FARP1: variants seen among roughly 807,000 people sequenced by gnomAD.
FARP1 encodes the protein FERM, ARHGEF and pleckstrin domain-containing protein 1.
In FARP1, 52 loss-of-function variants were observed where a neutral mutation model predicts 128.8. The observed-to-expected ratio is 0.40, with a 90% CI of 0.32 to 0.51. FARP1 has a LOEUF of 0.51. Ranked by LOEUF, FARP1 falls within the 20% of genes least tolerant of loss-of-function variation. The pLI is 0.45. For missense variants in FARP1, 1,333 were observed against 1,367.9 expected (o/e 0.97, Z 0.40); for synonymous variants, 580 against 551.8 (o/e 1.05, Z -0.72).
Position 98,393,725 on chromosome 13 carries a change from G to T in FARP1, c.1164+7G>T. On this transcript the variant is annotated splice_region_variant and intron_variant, in intron 12 of 26. Transcript: ENST00000319562. ...TTCGGAAGTGCTGGAGCAGGTCAGT[G>T]ATGGCGCTGTCCTATGATAACTCTG... 1.2e-6 allele frequency: 2 copies of T among 1,608,984 alleles called. No individual in the cohort carries two copies. Among genetic ancestry groups the T allele is most frequent in the Non-Finnish European group, 1.7e-6 (2 of 1,175,406 alleles).
intron 2 of FARP1, chr13:98,333,949 C>T (rs1483310672): frequency 6.7e-6 from 1 of 148,816 alleles, no homozygotes; most frequent in Non-Finnish European, 1.5e-5. Context: ...TTCTCCTCCT[C>T]CACCTTCTCC....
At chr13:98,376,359 G>C (rs1319543098) in intron 5 of FARP1, among the ~76,000 whole-genome samples, 1 of 152,138 alleles carries the variant, frequency 6.6e-6, no homozygotes, top group Non-Finnish European at 1.5e-5. Flanking sequence ...CCAAAAATAA[G>C]TGAGAATATG....
chr13:98,438,490 G>A (rs1247595657), intron 19 of FARP1, among the ~76,000 whole-genome samples: 1 of 152,142 alleles, frequency 6.6e-6, no homozygotes, highest in African/African-American at 2.4e-5. Context: ...CCTTTGTTGG[G>A]GGAGCTGCTG....
intron 2 of FARP1, among the ~76,000 whole-genome samples, chr13:98,341,193 G>A (rs912434000): frequency 5.3e-5 from 8 of 152,006 alleles, no homozygotes; most frequent in African/African-American, 1.7e-4. Flanking sequence ...ATCTTTCTTG[G>A]CTCCTCTGTT....
intron 2 of FARP1, among the ~76,000 whole-genome samples, chr13:98,320,918 C>G (rs2139787917): frequency 6.6e-6 from 1 of 152,288 alleles, no homozygotes; most frequent in South Asian, 2.1e-4. Flanking sequence ...AAATGTAAAA[C>G]TGGAGCTGTT....
rs948029724 is a variant in FARP1 at position 98,227,493 on chromosome 13, A to G, written c.171+14080A>G. 5.3e-5 allele frequency among the ~76,000 whole-genome samples: 8 copies of G among 152,094 alleles called. No homozygotes were observed. The South Asian group carries it at 6.2e-4, about 12-fold the overall frequency. On this transcript the variant is annotated intron_variant, in intron 2 of 26. Coordinates refer to ENST00000319562, the MANE Select transcript of FARP1 (RefSeq NM_005766.4). The stretch of plus-strand genomic sequence containing the variant: ...GAAAAAAACGAGTACTGATGAGGAT[A>G]TGGAGAAATTGGTACTCTGTGCACT...
chr13:98,377,112 C>T (rs1889619090), intron 5 of FARP1, among the ~76,000 whole-genome samples: 1 of 151,784 alleles, frequency 6.6e-6, no homozygotes, highest in Non-Finnish European at 1.5e-5. Context: ...ACCATCCTGG[C>T]CAACATGGTG....
At chr13:98,217,505 C>T (rs1881146314) in intron 2 of FARP1, among the ~76,000 whole-genome samples, 1 of 152,184 alleles carries the variant, frequency 6.6e-6, no homozygotes, top group African/African-American at 2.4e-5. Flanking sequence ...GCTGTCTTGT[C>T]ACTGCTGTAC....
chr13:98,221,573 T>TA (rs1881416775), intron 2 of FARP1, among the ~76,000 whole-genome samples: 1 of 152,224 alleles, frequency 6.6e-6, no homozygotes, highest in South Asian at 2.1e-4. Context: ...TTTGTGGACT[T>TA]ACGTGCAGCT....
intron 5 of FARP1, among the ~76,000 whole-genome samples, chr13:98,374,312 T>C (rs1332122360): frequency 6.6e-6 from 1 of 152,172 alleles, no homozygotes; most frequent in Non-Finnish European, 1.5e-5. Flanking sequence ...TAATCACAGC[T>C]ACTCTGGAGG....
chr13:98,188,934 G>A (rs1879057328), intron 1 of FARP1, among the ~76,000 whole-genome samples: 1 of 152,210 alleles, frequency 6.6e-6, no homozygotes, highest in African/African-American at 2.4e-5. Context: ...GACCCAGGAT[G>A]TTTCTGAGGT....
intron 2 of FARP1, among the ~76,000 whole-genome samples, chr13:98,271,452 G>GT (rs1244501166): frequency 6.6e-6 from 1 of 152,056 alleles, no homozygotes; most frequent in South Asian, 2.1e-4. Context: ...GTGCAGGTTT[G>GT]TTACATAGGT....
At chr13:98,296,112 C>T (rs1381618253) in intron 2 of FARP1, among the ~76,000 whole-genome samples, 1 of 152,172 alleles carries the variant, frequency 6.6e-6, no homozygotes, top group Non-Finnish European at 1.5e-5. Context: ...AGCATCGATA[C>T]ATTATTTTAA....
chr13:98,287,800 C>CTTTTT (rs35204639), intron 2 of FARP1, among the ~76,000 whole-genome samples: 9 of 116,698 alleles, frequency 7.7e-5, no homozygotes, highest in East Asian at 2.6e-4. Context: ...CCAGGCACTT[C>CTTTTT]TTTTTTTTTT....
intron 1 of FARP1, chr13:98,177,706 GC>G (rs1878196143): frequency 2.1e-5 from 3 of 139,838 alleles, no homozygotes; most frequent in Admixed American, 2.1e-4. Flanking sequence ...CCCTTGACCT[GC>G]CTCCTGGCCC....
At chr13:98,405,800 C>T (rs1890948687) in intron 13 of FARP1, 1 of 152,102 alleles carries the variant, frequency 6.6e-6, no homozygotes. Flanking sequence ...ATTAATTTGT[C>T]ATAAAGGGAG....
intron 2 of FARP1, among the ~76,000 whole-genome samples, chr13:98,218,160 A>AT (rs1881200460): frequency 1.2e-5 from 1 of 83,866 alleles, no homozygotes; most frequent in African/African-American, 4.9e-5. Flanking sequence ...TCCTCACCCC[A>AT]TGCTGCCCTG....
rs747860509 is a variant in FARP1 at position 98,177,220 on chromosome 13, G to A, written c.-24+33728G>A. 8 of 1,562,614 alleles carry A rather than the reference G, an allele frequency of 5.1e-6. No individual in the cohort carries two copies. In the South Asian group the frequency reaches 9.4e-5, roughly 18 times the overall value. ...TGCTTGGTCGGCCGTCCTTCCTGGA[G>A]AAGGTGGCGCTGCCATGTTTGAGTC... On this transcript the variant is annotated intron_variant, in intron 1 of 26. Transcript: ENST00000319562.
chr13:98,411,758 C>G (rs1366945610), intron 15 of FARP1, 143 bp from the exon 16 acceptor site: 4 of 821,940 alleles, frequency 4.9e-6, no homozygotes, highest in Non-Finnish European at 5.9e-6. Context: ...CCCGGGCAGC[C>G]CCGTGTTCCT....
Sources: gnomAD v4.1 joint callset for allele counts (sites outside exome capture counted in the v4.1 genomes callset) on GRCh38, gnomAD v4.1.1 for gene constraint, MANE v1.5 for transcripts, NCBI Gene and HGNC (gene_info 2026-07-23, HGNC 2026-07-21) for gene names.